The following MYH15 variants were observed in gnomAD, a reference collection of about 807,000 sequenced individuals.
The protein encoded by MYH15 is myosin heavy chain 15, also known as myosin-15.
Under a neutral mutation model 240.5 loss-of-function variants are expected in MYH15, and 227 were observed. The ratio of observed to expected loss-of-function variants is 0.94; its 90% CI spans 0.85 to 1.05. The LOEUF is 1.05. Ranked by LOEUF, MYH15 falls within the 50% of genes least tolerant of loss-of-function variation. The pLI is 0.00. For synonymous variants in MYH15, 785 were observed against 796.7 expected (o/e 0.99, Z 0.25); for missense variants, 2,217 against 2,247.5 (o/e 0.99, Z 0.27).
At chr3:108,530,013 C>T (rs757403486), upstream of MYH15, among the ~76,000 whole-genome samples, 1 of 152,100 alleles carries the variant, frequency 6.6e-6, no homozygotes, top group Non-Finnish European at 1.5e-5. Flanking sequence ...AAGGACCACC[C>T]AAATAAATTA....
intron 1 of MYH15, among the ~76,000 whole-genome samples, chr3:108,528,636 TA>T (rs2083691312): frequency 1.3e-5 from 2 of 152,218 alleles, no homozygotes; most frequent in Admixed American, 6.5e-5. Context: ...TTCTTGTGTT[TA>T]CACAGAACTC....
At chr3:108,476,893 T>A (rs2083226232) in intron 11 of MYH15, among the ~76,000 whole-genome samples, 2 of 152,198 alleles carry the variant, frequency 1.3e-5, no homozygotes, top group Non-Finnish European at 2.9e-5. Flanking sequence ...GGTGTGTATT[T>A]GCCGTGAGAA....
upstream of MYH15, among the ~76,000 whole-genome samples, chr3:108,512,852 T>C (rs1205819845): frequency 2.0e-5 from 3 of 151,964 alleles, no homozygotes; most frequent in African/African-American, 7.3e-5. Flanking sequence ...CACTGGAAAG[T>C]AGGAAACATT....
chr3:108,497,130 C>T (rs1169387495), intron 6 of MYH15, among the ~76,000 whole-genome samples: 3 of 130,424 alleles, frequency 2.3e-5, no homozygotes, highest in South Asian at 2.7e-4. Flanking sequence ...CACTGCAGTC[C>T]GGCCTGGGCG....
chr3:108,542,684 T>C, the MYH15 span, among the ~76,000 whole-genome samples: 1 of 152,132 alleles, frequency 6.6e-6, no homozygotes, highest in Admixed American at 6.6e-5. Flanking sequence ...TAGCTATTCT[T>C]CCTGATGCTC....
intron 1 of MYH15, among the ~76,000 whole-genome samples, chr3:108,506,648 G>A (rs1248296532): frequency 6.6e-6 from 1 of 152,122 alleles, no homozygotes; most frequent in East Asian, 1.9e-4. Context: ...ACTTTGGGAG[G>A]CCAAGGTGAG....
chr3:108,455,614 T>C, intron 20 of MYH15, 122 bp downstream of exon 20: 1 of 1,126,608 alleles, frequency 8.9e-7, no homozygotes, highest in Non-Finnish European at 1.3e-6. Flanking sequence ...AAGATCTGTT[T>C]GTGATATTTA....
rs779898014 is a variant in MYH15, at chr3:108,414,267, ATTGTTTTCATACT to A, written c.4097_4109del (p.Lys1366MetfsTer135). The A allele has an allele frequency of 6.2e-7, 1 of 1,614,090 alleles. No individual in the cohort carries two copies. The highest frequency in any genetic ancestry group is 8.5e-7 in the Non-Finnish European group (1 of 1,179,998). Reference sequence around the variant, plus strand: ...CCAAGTCTTCTGTTCTCTGGATGACATTGTTTTCATACTTCATTCTCCATTGCACCATTTCAGC... The same window carrying A: ...CCAAGTCTTCTGTTCTCTGGATGACATCATTCTCCATTGCACCATTTCAGC... On this transcript the variant is annotated frameshift_variant, in exon 30 of 41. Transcript: ENST00000693548. LOFTEE classifies it high-confidence loss of function.
At position 108,381,656 on chromosome 3, in the gene MYH15, G is replaced by T. The variant is rs1299935292; in HGVS notation, c.5767-97C>A. The T allele has an allele frequency of 2.3e-6, 3 of 1,329,296 alleles. No homozygotes were observed. The Admixed American group carries it at 5.0e-5, about 22-fold the overall frequency. 82.3% of individuals were successfully genotyped at this position (1,329,296 alleles called of 1,614,324 possible). ...CAAGCTGAGTCCCTTCCAGAGGTAA[G>T]CAGGCCTTAGCCAACTCTTCATTAA... On this transcript the variant is annotated intron_variant, in intron 40 of 40. Coordinates refer to ENST00000693548, the MANE Select transcript of MYH15 (RefSeq NM_014981.3).
chr3:108,549,089 A>G, the MYH15 span, among the ~76,000 whole-genome samples: 1 of 151,910 alleles, frequency 6.6e-6, no homozygotes, highest in Non-Finnish European at 1.5e-5. Flanking sequence ...TTGGAGACAA[A>G]CTCTCCCCAG....
chr3:108,454,147 A>T lies in MYH15; in HGVS notation c.2263-5T>A. 6.2e-7 allele frequency: 1 copy of T among 1,606,648 alleles called. No homozygotes were observed. The highest frequency in any genetic ancestry group is 8.5e-7 in the Non-Finnish European group (1 of 1,174,734). ...AAACCCAGCTTTAAAAAACACCTAA[A>T]GGAAAAGTCAGATGTTAGCTCCACT... On this transcript the variant is annotated splice_region_variant and splice_polypyrimidine_tract_variant and intron_variant, in intron 20 of 40. Transcript: ENST00000693548.
At chr3:108,460,257 T>C in intron 17 of MYH15, 43 bp downstream of exon 17, 1 of 1,433,640 alleles carries the variant, frequency 7.0e-7, no homozygotes, top group Non-Finnish European at 9.5e-7. Flanking sequence ...CATATGCAGA[T>C]TGTGAGGCAA....
intron 27 of MYH15, among the ~76,000 whole-genome samples, chr3:108,422,206 T>C (rs920806045): frequency 1.6e-4 from 24 of 147,288 alleles, no homozygotes; most frequent in African/African-American, 5.7e-4. Context: ...ATGTATAAAT[T>C]ATCTTTTTAT....
intron 35 of MYH15, among the ~76,000 whole-genome samples, chr3:108,397,847 G>A (rs2082473699): frequency 6.6e-6 from 1 of 152,166 alleles, no homozygotes; most frequent in African/African-American, 2.4e-5. Context: ...GGCTTAGAGA[G>A]AGCAGGAGAA....
Position 108,383,602 on chromosome 3 carries a change from C to T in MYH15, c.5759G>A (p.Gly1920Glu). Residue 1920 changes from glycine (G) to glutamate (E), a missense_variant, in exon 40 of 41, where the codon GGG becomes GAG. Gly to Glu is a moderately conservative substitution (Grantham distance 98). Coordinates refer to ENST00000693548, the MANE Select transcript of MYH15 (RefSeq NM_014981.3). Reference protein sequence around the residue: ...NKLKIKAREFGKKVQEE With the variant: ...NKLKIKAREFEKKVQEE The stretch of plus-strand genomic sequence containing the variant: ...GTTGAATATCTGCCATACCTTTTTC[C>T]CAAACTCTCTTGCTTTAATTTTGAG... 1.2e-6 allele frequency: 2 copies of T among 1,612,166 alleles called. No individual in the cohort carries two copies. The highest frequency in any genetic ancestry group is 1.1e-5 in the South Asian group (1 of 90,766).
chr3:108,544,489 G>T, the MYH15 span, among the ~76,000 whole-genome samples: 2 of 152,056 alleles, frequency 1.3e-5, no homozygotes, highest in African/African-American at 4.8e-5. Flanking sequence ...TCCTTGGATC[G>T]ACCTACAACA....
the MYH15 span, among the ~76,000 whole-genome samples, chr3:108,536,828 A>G: frequency 6.6e-6 from 1 of 152,208 alleles, no homozygotes; most frequent in Non-Finnish European, 1.5e-5. Flanking sequence ...CCTGGAAGTA[A>G]TAACTTATTG....
chr3:108,510,368 C>T (rs2083512350), intron 1 of MYH15, 75 bp downstream of exon 1: 1 of 1,530,210 alleles, frequency 6.5e-7, no homozygotes, highest in East Asian at 2.3e-5. Context: ...TGGCTCTTCT[C>T]TGTCAATCAA....
At chr3:108,530,438 GGA>G (rs1430788931), upstream of MYH15, among the ~76,000 whole-genome samples, 2 of 152,176 alleles carry the variant, frequency 1.3e-5, no homozygotes, top group African/African-American at 4.8e-5. Context: ...TTGTGAAGAG[GGA>G]GAGATAAATA....
Sources: gnomAD v4.1 joint callset for allele counts (sites outside exome capture counted in the v4.1 genomes callset) on GRCh38, gnomAD v4.1.1 for gene constraint, MANE v1.5 for transcripts, NCBI Gene and HGNC (gene_info 2026-07-23, HGNC 2026-07-21) for gene names.